The following LRSAM1 variants were observed in gnomAD, a reference collection of about 807,000 sequenced individuals.
The protein encoded by LRSAM1 is leucine rich repeat and sterile alpha motif containing 1.
In LRSAM1, 96 loss-of-function variants were observed where a neutral mutation model predicts 118.1. The ratio of observed to expected loss-of-function variants is 0.81; its 90% confidence interval spans 0.69 to 0.96. LRSAM1 has a LOEUF of 0.96. LRSAM1 is among the 40% of genes least tolerant of loss of function. The pLI is 0.00. For synonymous variants in LRSAM1, 322 were observed against 364.2 expected (o/e 0.88, Z 1.32); for missense variants, 804 against 915.5 (o/e 0.88, Z 1.57).
At position 127,473,806 on chromosome 9, in the gene LRSAM1, G is replaced by A. The variant is rs1187621940; in HGVS notation, c.625G>A (p.Gly209Arg). The change falls in exon 11 of 26, where the codon GGG (glycine) becomes AGG (arginine). Residue 209 changes from glycine to arginine, a missense_variant. Coordinates refer to ENST00000300417, the MANE Select transcript of LRSAM1 (RefSeq NM_001005373.4). Reference sequence around the variant, plus strand: ...TTGTGTCCCGTCTCTTACAGAGTCAGGGCTGGAATACTACCCCCCTTCTCA... The same window carrying A: ...TTGTGTCCCGTCTCTTACAGAGTCAAGGCTGGAATACTACCCCCCTTCTCA... ...AILQFLCKES[G>R]LEYYPPSQYL... The A allele has an allele frequency of 1.2e-6, 2 of 1,614,084 alleles. No homozygotes were observed. The highest frequency in any genetic ancestry group is 1.7e-6 in the Non-Finnish European group (2 of 1,180,044).
At chr9:127,461,279 C>G (rs1247144449) in intron 8 of LRSAM1, 22 bp downstream of exon 8, 2 of 1,601,930 alleles carry the variant, frequency 1.2e-6, no homozygotes, top group Non-Finnish European at 1.7e-6. Flanking sequence ...GAAGCCGTGT[C>G]CGTGTGACCC....
At chr9:127,496,851 A>G (rs557373216) in intron 23 of LRSAM1, among the ~76,000 whole-genome samples, 1 of 152,300 alleles carries the variant, frequency 6.6e-6, no homozygotes, top group South Asian at 2.1e-4. Flanking sequence ...AGGCTGAGGG[A>G]CTGTGGGGCT....
chr9:127,495,894 T>G, intron 22 of LRSAM1, 70 bp from the exon 23 acceptor site: 1 of 1,587,354 alleles, frequency 6.3e-7, no homozygotes, highest in South Asian at 1.1e-5. Context: ...ATTCAAACCC[T>G]TCATTTCCTG....
chr9:127,501,522 AGG>A (rs1836393392), intron 25 of LRSAM1, among the ~76,000 whole-genome samples: 1 of 152,174 alleles, frequency 6.6e-6, no homozygotes, highest in Non-Finnish European at 1.5e-5. Context: ...ACCTGAGGTC[AGG>A]AGTTTGAGGC....
intron 10 of LRSAM1, among the ~76,000 whole-genome samples, chr9:127,472,207 G>A (rs531614801): frequency 4.0e-5 from 6 of 150,466 alleles, no homozygotes; most frequent in Middle Eastern, 3.4e-3. Context: ...TGATCCACCC[G>A]CCTCAGCCTC....
chr9:127,479,437 C>G lies in LRSAM1; in HGVS notation c.835C>G (p.Arg279Gly). 1.9e-6 allele frequency: 3 copies of G among 1,614,136 alleles called. No individual in the cohort carries two copies. Among genetic ancestry groups the G allele is most frequent in the Non-Finnish European group, 2.5e-6 (3 of 1,180,008 alleles). The part of the protein sequence containing the change: ...EFERRLELGQ[R>G]EHTQLLQQSS... ...TGAACGGCGCCTGGAACTGGGGCAG[C>G]GGGAGCACACCCAGCTCCTTCAGCA... Residue 279 changes from arginine (R) to glycine (G), a missense_variant, in exon 13 of 26, where the codon CGG becomes GGG. Arg to Gly is a moderately radical substitution (Grantham distance 125, BLOSUM62 -2). Coordinates refer to ENST00000300417, the MANE Select transcript of LRSAM1 (RefSeq NM_001005373.4).
chr9:127,492,868 C>G lies in LRSAM1; in HGVS notation c.1570C>G (p.Gln524Glu). Residue 524 changes from glutamine (Q) to glutamate (E), a missense_variant, in exon 21 of 26, where the codon CAG (glutamine) becomes GAG (glutamate). Physicochemically the swap from Gln to Glu is conservative, Grantham distance 29. Coordinates refer to ENST00000300417, the MANE Select transcript of LRSAM1 (RefSeq NM_001005373.4). ...LLQQLLKEKQ[Q>E]REEELREILT... ...CCAGCAGCTGCTCAAAGAGAAGCAG[C>G]AGCGAGAGGAAGAGCTCCGGGAAAT... 1 of 1,614,074 alleles carries G rather than the reference C, an allele frequency of 6.2e-7. No individual in the cohort carries two copies. The highest frequency in any genetic ancestry group is 1.1e-5 in the South Asian group (1 of 91,084).
At chr9:127,481,315 C>T in intron 15 of LRSAM1, 88 bp downstream of exon 15, 1 of 1,445,752 alleles carries the variant, frequency 6.9e-7, no homozygotes, top group Non-Finnish European at 9.5e-7. Flanking sequence ...TGCAGTGGCA[C>T]AATCTCGGCT....
intron 14 of LRSAM1, among the ~76,000 whole-genome samples, chr9:127,480,204 C>T (rs1411273042): frequency 2.0e-5 from 3 of 152,330 alleles, no homozygotes; most frequent in Non-Finnish European, 4.4e-5. Context: ...CAGATTGGAC[C>T]TGTGGCCTCG....
At chr9:127,494,941 T>TTTTGGTTTTG (rs1836068003) in intron 21 of LRSAM1, among the ~76,000 whole-genome samples, 2 of 152,144 alleles carry the variant, frequency 1.3e-5, no homozygotes, top group South Asian at 4.2e-4. Context: ...ATAACCATCA[T>TTTTGGTTTTG]TTTGGTTTTG....
chr9:127,498,381 AAG>A (rs1564284543), intron 24 of LRSAM1, among the ~76,000 whole-genome samples: 1 of 152,218 alleles, frequency 6.6e-6, no homozygotes, highest in Non-Finnish European at 1.5e-5. Flanking sequence ...TGGAGATCAG[AAG>A]AGTTTTCCAT....
chr9:127,500,254 G>A (rs887605345), intron 24 of LRSAM1, among the ~76,000 whole-genome samples: 4 of 150,290 alleles, frequency 2.7e-5, no homozygotes, highest in Admixed American at 1.3e-4. Flanking sequence ...CCAGCTACTC[G>A]GGAGGCTGAG....
At position 127,479,445 on chromosome 9, in the gene LRSAM1, C is replaced by T. The variant is rs779095402; in HGVS notation, c.843C>T (p.His281=). Residue 281 remains histidine, a synonymous_variant, in exon 13 of 26, where the codon CAC becomes CAT. Transcript: ENST00000300417. ...ERRLELGQRE[H]TQLLQQSSSQ... is the part of the protein sequence containing the mutation. ...GCCTGGAACTGGGGCAGCGGGAGCA[C>T]ACCCAGCTCCTTCAGCAGAGCAGCA... 8 of 1,614,154 alleles carry T rather than the reference C, an allele frequency of 5.0e-6. No homozygotes were observed. Among genetic ancestry groups the T allele is most frequent in the Non-Finnish European group, 5.9e-6 (7 of 1,180,004 alleles).
intron 23 of LRSAM1, among the ~76,000 whole-genome samples, 185 bp downstream of exon 23, chr9:127,496,280 G>A (rs1338125429): frequency 1.3e-5 from 2 of 152,270 alleles, no homozygotes; most frequent in South Asian, 2.1e-4. Flanking sequence ...TGTGTGCCCT[G>A]CACACTGTCT....
chr9:127,477,616 G>A (rs1409920791), intron 11 of LRSAM1, among the ~76,000 whole-genome samples: 3 of 152,212 alleles, frequency 2.0e-5, no homozygotes, highest in South Asian at 2.1e-4. Context: ...CAGGCATGGT[G>A]GTGCGTGCCT....
chr9:127,484,285 C>CTTTTTCTTTTT (rs1301004172), intron 16 of LRSAM1, among the ~76,000 whole-genome samples: 1 of 141,878 alleles, frequency 7.0e-6, no homozygotes, highest in Non-Finnish European at 1.5e-5. Context: ...TTTTTTCCTG[C>CTTTTTCTTTTT]TTCTTTATTT....
intron 3 of LRSAM1, 53 bp downstream of exon 3, chr9:127,454,652 A>T: frequency 2.6e-6 from 4 of 1,552,990 alleles, no homozygotes; most frequent in Non-Finnish European, 3.5e-6. Context: ...CTCGGTCCCC[A>T]TGGAGTAGGC....
chr9:127,479,005 A>C, intron 12 of LRSAM1, 42 bp downstream of exon 12: 2 of 1,578,880 alleles, frequency 1.3e-6, no homozygotes, highest in Non-Finnish European at 1.7e-6. Flanking sequence ...TTTTCTCATT[A>C]AAGATCTCAA....
intron 11 of LRSAM1, among the ~76,000 whole-genome samples, chr9:127,476,137 A>G (rs1835342714): frequency 6.6e-6 from 1 of 152,148 alleles, no homozygotes; most frequent in Non-Finnish European, 1.5e-5. Context: ...CATTTGCAGG[A>G]GTGTTTATTG....
Sources: allele counts gnomAD v4.1 joint callset (sites outside exome capture counted in the v4.1 genomes callset), GRCh38; gene constraint gnomAD v4.1.1; transcripts MANE v1.5; gene names NCBI Gene and HGNC (gene_info 2026-07-23, HGNC 2026-07-21).